TAPT1: variants seen among roughly 807,000 people sequenced by gnomAD.
The protein encoded by TAPT1 is transmembrane anterior posterior transformation protein 1 homolog.
A neutral mutation model predicts 65.6 loss-of-function variants in TAPT1; 28 were observed. That is an observed-to-expected ratio of 0.43 (90% confidence interval 0.32 to 0.59). The LOEUF (loss-of-function observed/expected upper bound fraction) is 0.59. TAPT1 is among the 20% of genes least tolerant of loss of function. TAPT1 has a pLI of 0.09. For missense variants in TAPT1, 563 were observed against 679.9 expected, an observed-to-expected ratio of 0.83 and a Z score of 1.91; for synonymous variants, 278 against 245.2, an observed-to-expected ratio of 1.13 and a Z score of -1.25.
chr4:16,223,220 C>T (rs955588343), intron 1 of TAPT1, among the ~76,000 whole-genome samples: 3 of 152,152 alleles, frequency 2.0e-5, no homozygotes, highest in Non-Finnish European at 4.4e-5. Flanking sequence ...AATGCTTAGT[C>T]CAAAGTTGAT....
chr4:16,198,571 A>AAAC (rs1553832935), intron 3 of TAPT1, among the ~76,000 whole-genome samples: 30 of 151,796 alleles, frequency 2.0e-4, no homozygotes, highest in East Asian at 1.9e-3. Context: ...GAAAAAAAAA[A>AAAC]ATTATTTAAA....
intron 3 of TAPT1, among the ~76,000 whole-genome samples, chr4:16,194,761 T>C (rs1184696696): frequency 2.0e-5 from 3 of 152,164 alleles, no homozygotes; most frequent in Non-Finnish European, 2.9e-5. Context: ...AACATCATAA[T>C]TGGTTGCTGC....
intron 5 of TAPT1, among the ~76,000 whole-genome samples, chr4:16,187,376 T>A (rs935916214): frequency 6.6e-6 from 1 of 152,184 alleles, no homozygotes; most frequent in Non-Finnish European, 1.5e-5. Flanking sequence ...GTAGGAAATA[T>A]CTGATAATTA....
At chr4:16,198,629 CTT>C (rs1485528274) in intron 3 of TAPT1, among the ~76,000 whole-genome samples, 6 of 151,864 alleles carry the variant, frequency 4.0e-5, no homozygotes, top group Admixed American at 2.0e-4. Flanking sequence ...CTTCTTATTT[CTT>C]TGAAAAAAAT....
intron 2 of TAPT1, among the ~76,000 whole-genome samples, chr4:16,204,344 A>T (rs1312202025): frequency 6.6e-6 from 1 of 152,264 alleles, no homozygotes; most frequent in Non-Finnish European, 1.5e-5. Context: ...AGCTTTGCAG[A>T]AGAGTATACG....
At chr4:16,196,514 C>T in intron 3 of TAPT1, 2 of 359,972 alleles carry the variant, frequency 5.6e-6, no homozygotes, top group Non-Finnish European at 1.1e-5. Flanking sequence ...AGTAAAGATG[C>T]TATTTTAAAA....
At chr4:16,187,235 T>C (rs1281116903) in intron 5 of TAPT1, among the ~76,000 whole-genome samples, 1 of 152,120 alleles carries the variant, frequency 6.6e-6, no homozygotes, top group African/African-American at 2.4e-5. Context: ...TTATGGTAAA[T>C]ACTGAAAGAA....
chr4:16,192,282 G>C (rs1364803139), intron 3 of TAPT1, among the ~76,000 whole-genome samples: 1 of 152,142 alleles, frequency 6.6e-6, no homozygotes, highest in Non-Finnish European at 1.5e-5. Flanking sequence ...ATCAACTTTT[G>C]GATCTTTGCC....
intron 10 of TAPT1, 133 bp from the exon 11 acceptor site, chr4:16,174,405 A>G: frequency 2.5e-6 from 2 of 802,888 alleles, no homozygotes; most frequent in Non-Finnish European, 3.9e-6. Context: ...TGGCACTTAT[A>G]AAATGATGTG....
intron 1 of TAPT1, among the ~76,000 whole-genome samples, chr4:16,221,989 T>C (rs192485760): frequency 1.3e-5 from 2 of 152,302 alleles, no homozygotes; most frequent in East Asian, 3.9e-4. Flanking sequence ...TATAGTCTCA[T>C]TTAGAGGAGT....
At chr4:16,208,032 G>A (rs1049506230) in intron 2 of TAPT1, among the ~76,000 whole-genome samples, 2 of 152,030 alleles carry the variant, frequency 1.3e-5, no homozygotes, top group East Asian at 1.9e-4. Flanking sequence ...ATATAAACAC[G>A]GAAAAGAATA....
At chr4:16,199,196 T>C (rs942381011) in intron 3 of TAPT1, among the ~76,000 whole-genome samples, 2 of 152,180 alleles carry the variant, frequency 1.3e-5, no homozygotes, top group Non-Finnish European at 2.9e-5. Flanking sequence ...TTAACTGCAT[T>C]TCATGTTTTT....
intron 1 of TAPT1, among the ~76,000 whole-genome samples, chr4:16,217,366 G>A (rs893574963): frequency 3.9e-5 from 6 of 152,192 alleles, no homozygotes; most frequent in Admixed American, 2.0e-4. Flanking sequence ...GAATCAGACA[G>A]TGAGAAGCTA....
In TAPT1 at chr4:16,174,652, C is replaced by A; in HGVS notation, c.1167+18G>T. The A allele has an allele frequency of 6.3e-7, 1 of 1,577,560 alleles. No homozygotes were observed. The highest frequency in any genetic ancestry group is 8.6e-7 in the Non-Finnish European group (1 of 1,160,354). ...ATGCCTTTGTTAATTTCAGACTACGCCCTTGATAAATGCTCACATTTTTCT... is the reference window on the plus strand; with the variant it reads ...ATGCCTTTGTTAATTTCAGACTACGACCTTGATAAATGCTCACATTTTTCT... On this transcript the variant is annotated intron_variant, in intron 10 of 13. Transcript: ENST00000405303.
intron 12 of TAPT1, among the ~76,000 whole-genome samples, chr4:16,167,473 T>G (rs767927973): frequency 5.9e-5 from 9 of 152,234 alleles, no homozygotes; most frequent in Non-Finnish European, 1.3e-4. Context: ...TAGTATGTTA[T>G]CTTTCCGTCG....
chr4:16,163,662 G>T (rs1747396805), intron 13 of TAPT1, 125 bp from the exon 14 acceptor site: 2 of 688,696 alleles, frequency 2.9e-6, no homozygotes, highest in Admixed American at 2.9e-5. Flanking sequence ...TAAAGCAAAT[G>T]ATAACCAAAT....
chr4:16,197,987 C>T (rs796519247), intron 3 of TAPT1, among the ~76,000 whole-genome samples: 3 of 152,064 alleles, frequency 2.0e-5, no homozygotes, highest in African/African-American at 7.2e-5. Flanking sequence ...GGGAGTGCAT[C>T]CTTGGCAAAC....
chr4:16,186,215 G>A (rs1749009379), intron 7 of TAPT1, among the ~76,000 whole-genome samples: 1 of 152,226 alleles, frequency 6.6e-6, no homozygotes, highest in South Asian at 2.1e-4. Flanking sequence ...TGACTGTGGA[G>A]AAGTCAAATT....
chr4:16,216,106 C>G (rs1042792535), intron 1 of TAPT1: 2 of 152,222 alleles, frequency 1.3e-5, no homozygotes, highest in African/African-American at 4.8e-5. Flanking sequence ...ACCCCAGAGG[C>G]CACTTCACCA....
Sources: allele counts gnomAD v4.1 joint callset (sites outside exome capture counted in the v4.1 genomes callset), GRCh38; gene constraint gnomAD v4.1.1; transcripts MANE v1.5; gene names NCBI Gene and HGNC (gene_info 2026-07-23, HGNC 2026-07-21).